The following CREB5 variants were observed in gnomAD, a reference collection of about 807,000 sequenced individuals.
CREB5 encodes cAMP responsive element binding protein 5.
In CREB5, 19 loss-of-function variants were observed where a neutral mutation model predicts 57.1. That is an observed-to-expected ratio of 0.33 (90% CI 0.23 to 0.49). The LOEUF is 0.49. Ranked by LOEUF, CREB5 falls within the 20% of genes least tolerant of loss-of-function variation. CREB5 has a pLI of 0.99. For synonymous variants in CREB5, 238 were observed against 238.3 expected, an observed-to-expected ratio of 1.00 and a Z score of 0.01; for missense variants, 579 against 671.6, an observed-to-expected ratio of 0.86 and a Z score of 1.52.
At position 28,431,982 on chromosome 7, in the gene CREB5, C is replaced by CTTT. The variant is rs34222908; in HGVS notation, c.3+19080_3+19082dup. On this transcript the variant is annotated intron_variant, in intron 1 of 10. Transcript: ENST00000357727. ...TTGAGGTGACTGCAAACAGCTATGC[C>CTTT]TTTTTTTTTTTTTTTTTGCTTTTTT... Among the ~76,000 whole-genome samples the CTTT allele has an allele frequency of 5.4e-3, 676 of 124,826 alleles. 6 individuals carry two copies. Among genetic ancestry groups the CTTT allele is most frequent in the Middle Eastern group, 0.026 (6 of 230 alleles). 81.9% of individuals were successfully genotyped at this position (124,826 alleles called of 152,430 possible).
intron 2 of CREB5, among the ~76,000 whole-genome samples, chr7:28,488,617 G>A (rs775703469): frequency 9.2e-5 from 14 of 152,108 alleles, no homozygotes; most frequent in Non-Finnish European, 1.8e-4. Context: ...GCTGGGCTTC[G>A]AGATTACTGA....
At chr7:28,494,476 C>T (rs936207304) in intron 2 of CREB5, among the ~76,000 whole-genome samples, 18 of 152,094 alleles carry the variant, frequency 1.2e-4, no homozygotes, top group African/African-American at 4.1e-4. Context: ...ACCCATAGCT[C>T]CTAAAGAAAT....
At chr7:28,715,242 G>C (rs529231194) in intron 5 of CREB5, among the ~76,000 whole-genome samples, 40 of 152,258 alleles carry the variant, frequency 2.6e-4, no homozygotes, top group Non-Finnish European at 3.5e-4. Flanking sequence ...AGGTGTGATG[G>C]GGGAAACCCT....
At chr7:28,551,571 A>AC (rs1220565710) in intron 4 of CREB5, among the ~76,000 whole-genome samples, 3 of 152,250 alleles carry the variant, frequency 2.0e-5, no homozygotes, top group Non-Finnish European at 2.9e-5. Flanking sequence ...TTAGCATTTT[A>AC]CAAATGTTAC....
At chr7:28,686,395 G>C (rs558393407) in intron 5 of CREB5, among the ~76,000 whole-genome samples, 3 of 151,766 alleles carry the variant, frequency 2.0e-5, no homozygotes, top group African/African-American at 7.3e-5. Flanking sequence ...TGCCCGAAGA[G>C]GCATTTCTTT....
chr7:28,613,840 A>T (rs1797495931), intron 5 of CREB5, among the ~76,000 whole-genome samples: 2 of 152,202 alleles, frequency 1.3e-5, no homozygotes, highest in Admixed American at 1.3e-4. Context: ...AAGAAAGTGG[A>T]TCCTTTCAGG....
At chr7:28,798,099 A>G (rs1157863031) in intron 7 of CREB5, among the ~76,000 whole-genome samples, 1 of 152,256 alleles carries the variant, frequency 6.6e-6, no homozygotes, top group African/African-American at 2.4e-5. Context: ...CAACCCAGAA[A>G]CACTACATTT....
chr7:28,677,587 C>G (rs557030420), intron 5 of CREB5, among the ~76,000 whole-genome samples: 9 of 152,256 alleles, frequency 5.9e-5, no homozygotes, highest in Admixed American at 5.2e-4. Flanking sequence ...GGGTTTTTAA[C>G]CTGGGGTCCA....
chr7:28,497,576 A>C (rs781227403), intron 3 of CREB5, among the ~76,000 whole-genome samples: 39 of 152,182 alleles, frequency 2.6e-4, no homozygotes, highest in Non-Finnish European at 5.0e-4. Context: ...TAATGAAATG[A>C]AGTGCTAAAT....
At chr7:28,343,327 T>G (rs1785973999) in intron 1 of CREB5, among the ~76,000 whole-genome samples, 1 of 152,168 alleles carries the variant, frequency 6.6e-6, no homozygotes, top group Non-Finnish European at 1.5e-5. Flanking sequence ...AACCGTAACT[T>G]TGTACCCATT....
chr7:28,300,118 A>T (rs1785075612), intron 1 of CREB5, among the ~76,000 whole-genome samples: 1 of 150,346 alleles, frequency 6.7e-6, no homozygotes, highest in Non-Finnish European at 1.5e-5. Flanking sequence ...TAGGTGTTTC[A>T]TTTCACTCAT....
intron 6 of CREB5, among the ~76,000 whole-genome samples, chr7:28,723,342 T>C (rs1803150345): frequency 6.6e-6 from 1 of 152,214 alleles, no homozygotes; most frequent in Admixed American, 6.5e-5. Context: ...AGTAGACATT[T>C]TGCCGTATTC....
intron 5 of CREB5, among the ~76,000 whole-genome samples, chr7:28,694,383 T>C (rs1424627947): frequency 1.3e-5 from 2 of 152,122 alleles, no homozygotes; most frequent in Non-Finnish European, 2.9e-5. Context: ...TTTTTCTGAG[T>C]TCAGCTCTTG....
chr7:28,725,662 AGAAAG>A (rs1803298618), intron 7 of CREB5, among the ~76,000 whole-genome samples: 1 of 149,288 alleles, frequency 6.7e-6, no homozygotes, highest in Non-Finnish European at 1.5e-5. Flanking sequence ...AAAAAAAAAA[AGAAAG>A]AAAGAAAGAA....
At chr7:28,452,097 C>G (rs1050147177) in intron 1 of CREB5, among the ~76,000 whole-genome samples, 1 of 152,116 alleles carries the variant, frequency 6.6e-6, no homozygotes, top group African/African-American at 2.4e-5. Flanking sequence ...CTTAGACTGG[C>G]GATTTCTTTC....
At chr7:28,794,181 A>T (rs1361177220) in intron 7 of CREB5, among the ~76,000 whole-genome samples, 1 of 152,160 alleles carries the variant, frequency 6.6e-6, no homozygotes, top group Admixed American at 6.5e-5. Context: ...ATAACAAGGG[A>T]TTACTTTTTT....
intron 3 of CREB5, among the ~76,000 whole-genome samples, chr7:28,496,003 G>A (rs894884353): frequency 6.6e-6 from 1 of 151,972 alleles, no homozygotes; most frequent in Non-Finnish European, 1.5e-5. Context: ...TGAGGAACCT[G>A]AACTCTATCC....
chr7:28,768,387 C>T (rs1426494416), intron 7 of CREB5, among the ~76,000 whole-genome samples: 3 of 152,068 alleles, frequency 2.0e-5, no homozygotes, highest in African/African-American at 7.2e-5. Flanking sequence ...TTTTCTTTCT[C>T]AAATGGGTAA....
chr7:28,620,174 C>T (rs1410546685), intron 5 of CREB5, among the ~76,000 whole-genome samples: 1 of 152,086 alleles, frequency 6.6e-6, no homozygotes, highest in African/African-American at 2.4e-5. Flanking sequence ...CTCATAGATT[C>T]TTCTAGAAAA....
Sources: gnomAD v4.1 joint callset for allele counts (sites outside exome capture counted in the v4.1 genomes callset) on GRCh38, gnomAD v4.1.1 for gene constraint, MANE v1.5 for transcripts, NCBI Gene and HGNC (gene_info 2026-07-23, HGNC 2026-07-21) for gene names.